TBCK: variants seen among roughly 807,000 people sequenced by gnomAD.
The protein encoded by TBCK is TBC domain-containing protein kinase-like protein.
In TBCK, 99 loss-of-function variants were observed where a neutral mutation model predicts 113.4. The ratio of observed to expected loss-of-function variants is 0.87; its 90% confidence interval spans 0.74 to 1.03. The LOEUF (loss-of-function observed/expected upper bound fraction) is 1.03, where lower values mean the gene tolerates loss of function less well. Ranked by LOEUF, TBCK falls within the 50% of genes least tolerant of loss-of-function variation. The pLI, the probability that TBCK is intolerant of heterozygous loss-of-function variation, is 0.00. For synonymous variants in TBCK, 369 were observed against 370.8 expected, an observed-to-expected ratio of 1.00 and a Z score of 0.05; for missense variants, 1,045 against 1,061.3, an observed-to-expected ratio of 0.98 and a Z score of 0.21.
intron 3 of TBCK, among the ~76,000 whole-genome samples, chr4:106,277,796 T>TA (rs1764176704): frequency 1.3e-5 from 2 of 152,182 alleles, no homozygotes; most frequent in South Asian, 2.1e-4. Context: ...TATACATTTG[T>TA]AAAAACACAT....
intron 23 of TBCK, among the ~76,000 whole-genome samples, chr4:106,132,629 G>C (rs528216149): frequency 6.6e-6 from 1 of 152,184 alleles, no homozygotes; most frequent in Non-Finnish European, 1.5e-5. Context: ...GATCCACTGA[G>C]AGCTTGCACT....
chr4:106,305,530 T>C (rs1767426127), intron 2 of TBCK, among the ~76,000 whole-genome samples: 1 of 152,020 alleles, frequency 6.6e-6, no homozygotes, highest in African/African-American at 2.4e-5. Flanking sequence ...TTTTATTATT[T>C]CTTATCTTTA....
chr4:106,267,865 A>C (rs1371358949), intron 3 of TBCK, among the ~76,000 whole-genome samples: 1 of 151,988 alleles, frequency 6.6e-6, no homozygotes, highest in African/African-American at 2.4e-5. Flanking sequence ...TTGTTGGTTA[A>C]AACATACTGA....
chr4:106,230,063 G>A (rs1758687666), intron 19 of TBCK, among the ~76,000 whole-genome samples: 1 of 151,966 alleles, frequency 6.6e-6, no homozygotes, highest in Non-Finnish European at 1.5e-5. Context: ...CCATGGTGAA[G>A]CTTTTTGTGA....
intron 24 of TBCK, among the ~76,000 whole-genome samples, chr4:106,108,219 A>G (rs1742405833): frequency 6.6e-6 from 1 of 152,162 alleles, no homozygotes; most frequent in Admixed American, 6.5e-5. Flanking sequence ...CTATTCCAAA[A>G]AAATTGAGAA....
chr4:106,294,551 G>A (rs1458781876), intron 3 of TBCK, among the ~76,000 whole-genome samples: 7 of 151,060 alleles, frequency 4.6e-5, no homozygotes, highest in African/African-American at 9.8e-5. Flanking sequence ...GTGCAATCTC[G>A]GCTCACCGTA....
At chr4:106,109,034 C>T (rs1355599313) in intron 24 of TBCK, among the ~76,000 whole-genome samples, 4 of 151,652 alleles carry the variant, frequency 2.6e-5, no homozygotes, top group African/African-American at 9.7e-5. Context: ...CACACACACA[C>T]ACACACACAC....
At chr4:106,285,328 C>T (rs1003421046) in intron 3 of TBCK, among the ~76,000 whole-genome samples, 29 of 151,958 alleles carry the variant, frequency 1.9e-4, no homozygotes, top group Admixed American at 1.6e-3. Context: ...GTTTTACGGC[C>T]GTTAATACTA....
intron 22 of TBCK, among the ~76,000 whole-genome samples, chr4:106,189,170 T>C (rs979222374): frequency 2.0e-5 from 3 of 152,068 alleles, no homozygotes; most frequent in African/African-American, 4.8e-5. Flanking sequence ...AATGTTTATA[T>C]GTAATTTTTA....
intron 15 of TBCK, among the ~76,000 whole-genome samples, chr4:106,234,018 G>A (rs746737839): frequency 1.5e-4 from 23 of 151,964 alleles, no homozygotes; most frequent in Admixed American, 4.6e-4. Context: ...AATCATTAGG[G>A]CCTAAAGAGG....
At chr4:106,278,793 A>G (rs990081073) in intron 3 of TBCK, among the ~76,000 whole-genome samples, 9 of 152,054 alleles carry the variant, frequency 5.9e-5, no homozygotes, top group East Asian at 3.9e-4. Context: ...TTCCTATCTT[A>G]TATGTGAATG....
chr4:106,245,160 G>A (rs1027397734), intron 10 of TBCK, among the ~76,000 whole-genome samples: 3 of 152,154 alleles, frequency 2.0e-5, no homozygotes, highest in African/African-American at 7.2e-5. Flanking sequence ...GGACAAGTCT[G>A]AGAGTTAAAA....
intron 24 of TBCK, among the ~76,000 whole-genome samples, chr4:106,098,683 T>C (rs1741212173): frequency 6.6e-6 from 1 of 152,096 alleles, no homozygotes. Context: ...GCAGTCACTT[T>C]ACCACGTGTT....
chr4:106,126,133 T>C (rs1476767441), intron 23 of TBCK, among the ~76,000 whole-genome samples: 1 of 152,218 alleles, frequency 6.6e-6, no homozygotes, highest in Non-Finnish European at 1.5e-5. Context: ...CCTGTGCATT[T>C]AATAAATCCC....
intron 5 of TBCK, among the ~76,000 whole-genome samples, chr4:106,258,365 T>G (rs1250533201): frequency 6.6e-6 from 1 of 152,098 alleles, no homozygotes. Flanking sequence ...TGTTGTTCCT[T>G]AATATTTGTC....
At chr4:106,087,894 A>G (rs886585476) in intron 25 of TBCK, among the ~76,000 whole-genome samples, 3 of 152,254 alleles carry the variant, frequency 2.0e-5, no homozygotes, top group African/African-American at 7.2e-5. Flanking sequence ...CTGGCTAGCC[A>G]TATGCAGGAA....
intron 22 of TBCK, among the ~76,000 whole-genome samples, chr4:106,190,368 A>C (rs1753524199): frequency 6.6e-6 from 1 of 152,240 alleles, no homozygotes; most frequent in Non-Finnish European, 1.5e-5. Context: ...TATTAAGATA[A>C]GTACTGAATA....
At chr4:106,178,580 G>A (rs12512475) in intron 22 of TBCK, among the ~76,000 whole-genome samples, 8,118 of 151,886 alleles carry the variant, frequency 0.053, 484 homozygotes, top group East Asian at 0.28. Flanking sequence ...AATCATATGG[G>A]TTTTGTTCTT....
chr4:106,309,104 A>G (rs1767874274), intron 1 of TBCK, 115 bp from the exon 2 acceptor site: 1 of 584,998 alleles, frequency 1.7e-6, no homozygotes, highest in African/African-American at 1.9e-5. Context: ...TTCACAGTAA[A>G]AATATCAAAG....
Sources: gnomAD v4.1 joint callset for allele counts (sites outside exome capture counted in the v4.1 genomes callset) on GRCh38, gnomAD v4.1.1 for gene constraint, MANE v1.5 for transcripts, NCBI Gene and HGNC (gene_info 2026-07-23, HGNC 2026-07-21) for gene names.